KMT2D: variants seen among roughly 807,000 people sequenced by gnomAD.
KMT2D encodes the protein lysine methyltransferase 2D.
KMT2D carries 55 observed loss-of-function variants against 512.7 expected under a neutral mutation model. The ratio of observed to expected loss-of-function variants is 0.11; its 90% CI spans 0.09 to 0.13. The LOEUF (loss-of-function observed/expected upper bound fraction) is 0.13, where lower values mean the gene tolerates loss of function less well. KMT2D is among the 10% of genes least tolerant of loss of function. The pLI is 1.00. For synonymous variants in KMT2D, 2,995 were observed against 2,904.0 expected (o/e 1.03, Z -1.01); for missense variants, 6,061 against 7,127.9 (o/e 0.85, Z 5.39).
Position 49,039,153 on chromosome 12 carries a change from C to T in KMT2D, c.8366+69G>A. 1.3e-6 allele frequency: 2 copies of T among 1,589,844 alleles called. No homozygotes were observed. The highest frequency in any genetic ancestry group is 1.7e-5 in the Admixed American group (1 of 57,714). On this transcript the variant is annotated intron_variant, in intron 34 of 54. Coordinates refer to ENST00000301067, the MANE Select transcript of KMT2D (RefSeq NM_003482.4). The surrounding 1 kb of genome is among the most constrained non-coding windows in gnomAD (Gnocchi z 5.0). The stretch of plus-strand genomic sequence containing the variant: ...AAGGATTAGTGATACAGGAAAATCA[C>T]AAGAGCTTCCAACAGTGATAAAATC...
At position 49,050,513 on chromosome 12, in the gene KMT2D, C is replaced by A. The variant is rs781552700; in HGVS notation, c.3075G>T (p.Ser1025=). ...ILMEPLPPQC[S]PLLQHSLVPQ... ...GAACCAGGGAATGCTGAAGGAGTGG[C>A]GAACACTGAGGAGGAAGGGGCTCCA... The change falls in exon 12 of 55, where the codon TCG becomes TCT. Residue 1025 remains serine, a synonymous_variant. Coordinates refer to ENST00000301067, the MANE Select transcript of KMT2D (RefSeq NM_003482.4). 3.1e-6 allele frequency: 5 copies of A among 1,610,892 alleles called. No individual in the cohort carries two copies. The Admixed American group carries it at 5.0e-5, about 16-fold the overall frequency.
Position 49,021,746 on chromosome 12 carries a change from G to A in KMT2D, c.*34C>T. 1 of 1,526,558 alleles carries A rather than the reference G, an allele frequency of 6.6e-7. No individual in the cohort carries two copies. The highest frequency in any genetic ancestry group is 9.1e-7 in the Non-Finnish European group (1 of 1,101,040). 94.6% of individuals were successfully genotyped at this position (1,526,558 alleles called of 1,614,324 possible). On this transcript the variant is annotated 3_prime_UTR_variant, in exon 55 of 55. Transcript: ENST00000301067. ...CCTTTCAGGGAAGAGGTTGTGGGTA[G>A]GGGGACTCCCCTGCCTGGTAGCCTC...
At chr12:49,056,081 A>G (rs1232791211) in intron 1 of KMT2D, among the ~76,000 whole-genome samples, 2 of 152,198 alleles carry the variant, frequency 1.3e-5, no homozygotes, top group South Asian at 2.1e-4. Context: ...AGCAACACCA[A>G]CTGCCCTTCC....
In KMT2D at chr12:49,038,611, T is replaced by G. The variant is rs1943338446; in HGVS notation, c.8745A>C (p.Arg2915=). 1 of 1,612,788 alleles carries G rather than the reference T, an allele frequency of 6.2e-7. No homozygotes were observed. The highest frequency in any genetic ancestry group is 8.5e-7 in the Non-Finnish European group (1 of 1,179,518). Residue 2915 remains arginine, a synonymous_variant, in exon 35 of 55, where the codon CGA becomes CGC. Coordinates refer to ENST00000301067, the MANE Select transcript of KMT2D (RefSeq NM_003482.4). This position sits in a 1 kb window ranked among gnomAD's most constrained non-coding sequence, Gnocchi z 5.7. The part of the protein sequence containing the change: ...RFYPVSEDPH[R]LAPEGLRGLA... ...GGCCCCGAAGCCCTTCAGGAGCCAG[T>G]CGGTGGGGGTCCTCACTTACAGGGT...
chr12:49,024,563 G>C lies in KMT2D; in HGVS notation c.16052+15C>G, dbSNP rs2137710467. 1.3e-6 allele frequency: 2 copies of C among 1,596,532 alleles called. No individual in the cohort carries two copies. The highest frequency in any genetic ancestry group is 1.7e-6 in the Non-Finnish European group (2 of 1,168,646). On this transcript the variant is annotated intron_variant, in intron 51 of 54. Coordinates refer to ENST00000301067, the MANE Select transcript of KMT2D (RefSeq NM_003482.4). The surrounding 1 kb of genome is among the most constrained non-coding windows in gnomAD (Gnocchi z 4.5). ...CCCACACCCACATCCCTTGGCTCCA[G>C]CATCACAAGCTCACCGTTTGTAGTG...
rs2120413535 is a variant in KMT2D, at chr12:49,031,010, C to T, written c.13554G>A (p.Leu4518=). 1 of 1,613,886 alleles carries T rather than the reference C, an allele frequency of 6.2e-7. No homozygotes were observed. Among genetic ancestry groups the T allele is most frequent in the South Asian group, 1.1e-5 (1 of 91,082 alleles). The change falls in exon 41 of 55, where the codon TTG becomes TTA. Residue 4518 remains leucine, a synonymous_variant. Transcript: ENST00000301067. Reference sequence around the variant, plus strand: ...TCTGTACCCGCTTGGGCTTCGGTGTCAAAGGCTTCCTTGCTGCTGCATCCT... The same window carrying T: ...TCTGTACCCGCTTGGGCTTCGGTGTTAAAGGCTTCCTTGCTGCTGCATCCT... ...NKEDAAARKP[L]TPKPKRVQKA...
rs767432990 is a variant in KMT2D, at chr12:49,052,203, G to C, written c.1480C>G (p.Leu494Val). The C allele has an allele frequency of 6.2e-7, 1 of 1,613,280 alleles. No individual in the cohort carries two copies. The highest frequency in any genetic ancestry group is 8.5e-7 in the Non-Finnish European group (1 of 1,179,670). The stretch of plus-strand genomic sequence containing the variant: ...GGAGACTCCTCAGGCGGCGGAGAGA[G>C]GGGCGATTCCTCCAGCGGCCGGGAC... ...HLSRPLEESPLSPPPEESPLS... is the reference protein window; with the variant it reads ...HLSRPLEESPVSPPPEESPLS... Residue 494 changes from leucine (L) to valine (V), a missense_variant, in exon 11 of 55, where the codon CTC (leucine) becomes GTC (valine). Leu to Val is a conservative substitution (Grantham distance 32). Transcript: ENST00000301067.
Position 49,052,406 on chromosome 12 carries a change from A to G in KMT2D, c.1277T>C (p.Leu426Pro), listed in dbSNP as rs949079169. 9.7e-6 allele frequency: 15 copies of G among 1,542,580 alleles called. No individual in the cohort carries two copies. The highest frequency in any genetic ancestry group is 1.4e-5 in the African/African-American group (1 of 72,672). ...AKPLGKAGVQ[L>P]EPQLEAPLNE... Reference sequence around the variant, plus strand: ...TAGGGGGGCCTCCAACTGGGGCTCAAGTTGGACCCCTGCTTTCCCTGCAGA... The same window carrying G: ...TAGGGGGGCCTCCAACTGGGGCTCAGGTTGGACCCCTGCTTTCCCTGCAGA... Residue 426 changes from leucine to proline, a missense_variant, in exon 11 of 55, where the codon CTT (leucine) becomes CCT (proline). Transcript: ENST00000301067.
In KMT2D at chr12:49,037,909, G is replaced by A. The variant is rs1168502330; in HGVS notation, c.9447C>T (p.Ser3149=). The change falls in exon 35 of 55, where the codon TCC becomes TCT. Residue 3149 remains serine (S), a synonymous_variant. Transcript: ENST00000301067. ...GTCCTGGCTTTAGCCCCAGGCCAAG[G>A]GAATTGGCAGCAGGTGCGGGCTCTA... The part of the protein sequence containing the change: ...PKVEPAPAAN[S]LGLGLKPGQS... The A allele has an allele frequency of 1.9e-6, 3 of 1,604,308 alleles. No individual in the cohort carries two copies. Among genetic ancestry groups the A allele is most frequent in the Non-Finnish European group, 1.7e-6 (2 of 1,175,672 alleles).
In KMT2D at chr12:49,030,993, C is replaced by T. The variant is rs1249439740; in HGVS notation, c.13571G>A (p.Arg4524Gln). ...ARKPLTPKPK[R>Q]VQKASDRLVS... ...CAACCTGTCGCTTGCCTTCTGTACCCGCTTGGGCTTCGGTGTCAAAGGCTT... is the reference window on the plus strand; with the variant it reads ...CAACCTGTCGCTTGCCTTCTGTACCTGCTTGGGCTTCGGTGTCAAAGGCTT... The change falls in exon 41 of 55, where the codon CGG (arginine) becomes CAG (glutamine). Residue 4524 changes from arginine to glutamine, a missense_variant. By Grantham distance (43) the Arg-to-Gln change is conservative (BLOSUM62 1). Transcript: ENST00000301067. The T allele has an allele frequency of 3.7e-6, 6 of 1,613,848 alleles. No individual in the cohort carries two copies. The highest frequency in any genetic ancestry group is 2.2e-5 in the East Asian group (1 of 44,890).
rs767521664 is a variant in KMT2D, at chr12:49,049,887, C to T, written c.3701G>A (p.Gly1234Glu). ...EPLLGSPDPE[G>E]GGSLSMELGV... is the part of the protein sequence containing the mutation. The stretch of plus-strand genomic sequence containing the variant: ...CAACTCCATGGACAGGGAGCCACCC[C>T]CCTCCGGGTCTGGAGAGCCCAGGAG... The change falls in exon 12 of 55, where the codon GGG becomes GAG. Residue 1234 changes from glycine to glutamate, a missense_variant. Physicochemically the swap from Gly to Glu is moderately conservative, Grantham distance 98. Transcript: ENST00000301067. 6.2e-7 allele frequency: 1 copy of T among 1,613,940 alleles called. No homozygotes were observed. The highest frequency in any genetic ancestry group is 8.5e-7 in the Non-Finnish European group (1 of 1,179,876).
chr12:49,033,450 G>A lies in KMT2D; in HGVS notation c.11255C>T (p.Ala3752Val), dbSNP rs2120442872. ...ACCCTGCTGCTGTTGCTGCTGGATT[G>A]CCACCTGTCCTAGAAGGTGCTGCTG... ...QQQQHLLGQV[A>V]IQQQQQQGPG... is the part of the protein sequence containing the mutation. The change falls in exon 40 of 55, where the codon GCA (alanine) becomes GTA (valine). Residue 3752 changes from alanine (A) to valine (V), a missense_variant. Ala to Val is a moderately conservative substitution (Grantham distance 64). Around this residue, in one of 16 missense-constraint regions of KMT2D, gnomAD observed 1,600 missense variants for 1,754.9 expected, o/e 0.91. Coordinates refer to ENST00000301067, the MANE Select transcript of KMT2D (RefSeq NM_003482.4). The A allele has an allele frequency of 6.3e-7, 1 of 1,597,558 alleles. No individual in the cohort carries two copies. The highest frequency in any genetic ancestry group is 8.5e-7 in the Non-Finnish European group (1 of 1,172,252).
chr12:49,036,020 G>A (rs1592126362), intron 35 of KMT2D: 1 of 152,214 alleles, frequency 6.6e-6, no homozygotes, highest in African/African-American at 2.4e-5. Flanking sequence ...TTCCTCTTCT[G>A]TAATCAAAGA....
In KMT2D at chr12:49,040,420, A is replaced by G. The variant is rs1286095050; in HGVS notation, c.7350T>C (p.Tyr2450=). The G allele has an allele frequency of 1.9e-6, 3 of 1,561,546 alleles. No individual in the cohort carries two copies. The highest frequency in any genetic ancestry group is 2.3e-5 in the East Asian group (1 of 44,402). The change falls in exon 32 of 55, where the codon TAT becomes TAC. Residue 2450 remains tyrosine, a synonymous_variant. Coordinates refer to ENST00000301067, the MANE Select transcript of KMT2D (RefSeq NM_003482.4). ...ACTGAGGGCGTGAGGGTGGGCGAGA[A>G]TAAGGGTCAGGGGACTGGAAGCGAG... The part of the protein sequence containing the change: ...VTPRFQSPDP[Y]SRPPSRPQSR...
At chr12:49,028,991 G>A (rs2120389211) in intron 45 of KMT2D, 33 bp from the exon 46 acceptor site, 3 of 1,611,396 alleles carry the variant, frequency 1.9e-6, no homozygotes, top group Non-Finnish European at 2.5e-6. Flanking sequence ...TGTAACACTT[G>A]GCCGCCTCTC....
chr12:49,029,285 T>G (rs200637268), intron 44 of KMT2D, 49 bp from the exon 45 acceptor site: 60 of 1,599,526 alleles, frequency 3.8e-5, no homozygotes, highest in Non-Finnish European at 5.1e-5. Context: ...CAGACTCCCC[T>G]CCCAAATCTA....
Position 49,045,971 on chromosome 12 carries a change from T to C in KMT2D, c.4694-4A>G, listed in dbSNP as rs372092587. The stretch of plus-strand genomic sequence containing the variant: ...AGCTCTGGAGGTGCAACAGGCGCTA[T>C]GGAGAGAAGGACAAACGGAGGTGGC... On this transcript the variant is annotated splice_region_variant and splice_polypyrimidine_tract_variant and intron_variant, in intron 18 of 54. Coordinates refer to ENST00000301067, the MANE Select transcript of KMT2D (RefSeq NM_003482.4). 3.2e-5 allele frequency: 51 copies of C among 1,613,980 alleles called. No individual in the cohort carries two copies. The Middle Eastern group carries it at 6.6e-4, about 21-fold the overall frequency.
chr12:49,021,625 C>A lies in KMT2D; in HGVS notation c.*155G>T. ...TGCCCAGGGTGGGCTTGGCCTAGGGCCCTCTGCCCCAGCCTCCTGCTCCAG... is the reference window on the plus strand; with the variant it reads ...TGCCCAGGGTGGGCTTGGCCTAGGGACCTCTGCCCCAGCCTCCTGCTCCAG... On this transcript the variant is annotated 3_prime_UTR_variant, in exon 55 of 55. Coordinates refer to ENST00000301067, the MANE Select transcript of KMT2D (RefSeq NM_003482.4). The A allele has an allele frequency of 1.6e-6, 1 of 637,774 alleles. No individual in the cohort carries two copies. Among genetic ancestry groups the A allele is most frequent in the Non-Finnish European group, 2.7e-6 (1 of 367,222 alleles). The allele number at this position is 637,774 out of a possible 1,614,324, so 39.5% of individuals were successfully genotyped here. A position where few individuals can be genotyped will look rare whatever the true frequency, so the allele number is the denominator to read the frequency against.
rs1592146292 is a variant in KMT2D, at chr12:49,046,489, A to C, written c.4419-65T>G. On this transcript the variant is annotated intron_variant, in intron 16 of 54. Transcript: ENST00000301067. The surrounding 1 kb of genome is among the most constrained non-coding windows in gnomAD (Gnocchi z 4.2). ...ACCCGAAGTACCCAGAAGTCCCCTC[A>C]CCGGAAACCCAAGCCACCAGCCTGG... 3.1e-6 allele frequency: 5 copies of C among 1,591,854 alleles called. No individual in the cohort carries two copies. Among genetic ancestry groups the C allele is most frequent in the Non-Finnish European group, 3.4e-6 (4 of 1,166,396 alleles).
Sources: allele counts gnomAD v4.1 joint callset (sites outside exome capture counted in the v4.1 genomes callset), GRCh38; gene constraint gnomAD v4.1.1; regional missense constraint gnomAD v4.1.1; non-coding constraint Gnocchi (gnomAD v3.1); transcripts MANE v1.5; gene names NCBI Gene and HGNC (gene_info 2026-07-23, HGNC 2026-07-21).